SORCS3: variants seen among roughly 807,000 people sequenced by gnomAD.
SORCS3 encodes the protein VPS10 domain-containing receptor SorCS3.
A neutral mutation model predicts 146.3 loss-of-function variants in SORCS3; 57 were observed. The observed-to-expected ratio is 0.39, with a 90% CI of 0.31 to 0.49. The LOEUF is 0.49. Among genes scored for constraint, SORCS3 ranks in the 20% least tolerant of loss-of-function variants. The pLI is 0.92. For missense variants in SORCS3, 1,341 were observed against 1,575.5 expected, an observed-to-expected ratio of 0.85 and a Z score of 2.52; for synonymous variants, 653 against 618.5, an observed-to-expected ratio of 1.06 and a Z score of -0.83.
At chr10:104,697,080 T>A (rs972640798) in intron 1 of SORCS3, among the ~76,000 whole-genome samples, 1 of 152,026 alleles carries the variant, frequency 6.6e-6, no homozygotes, top group Non-Finnish European at 1.5e-5. Flanking sequence ...ATTAATTTGA[T>A]TTTGGTAATC....
At chr10:105,042,894 C>A (rs2055346500) in intron 4 of SORCS3, among the ~76,000 whole-genome samples, 161 bp from the exon 5 acceptor site, 2 of 152,088 alleles carry the variant, frequency 1.3e-5, no homozygotes, top group South Asian at 4.1e-4. Flanking sequence ...CTAGAAGATA[C>A]CATGATAAGC....
chr10:104,943,256 A>G (rs1201819319), intron 3 of SORCS3, among the ~76,000 whole-genome samples: 1 of 152,058 alleles, frequency 6.6e-6, no homozygotes, highest in Non-Finnish European at 1.5e-5. Context: ...CAGCCTCCTG[A>G]GTAGCTGGGA....
chr10:105,058,219 A>T (rs2055459121), intron 5 of SORCS3, among the ~76,000 whole-genome samples: 1 of 152,184 alleles, frequency 6.6e-6, no homozygotes, highest in South Asian at 2.1e-4. Flanking sequence ...AGACCCTGGA[A>T]CCAGTCTGAT....
intron 13 of SORCS3, among the ~76,000 whole-genome samples, chr10:105,172,657 C>T (rs1454450151): frequency 6.6e-6 from 1 of 152,112 alleles, no homozygotes; most frequent in Non-Finnish European, 1.5e-5. Context: ...CCCTAAGCTG[C>T]CTAAAATTCA....
intron 22 of SORCS3, among the ~76,000 whole-genome samples, chr10:105,249,117 C>T (rs1184133890): frequency 2.6e-5 from 4 of 152,084 alleles, no homozygotes; most frequent in Middle Eastern, 6.3e-3. Flanking sequence ...AAGGAAATGT[C>T]GTGTGGGTGA....
At chr10:104,979,879 T>G (rs2054922610) in intron 4 of SORCS3, among the ~76,000 whole-genome samples, 1 of 152,124 alleles carries the variant, frequency 6.6e-6, no homozygotes, top group Admixed American at 6.6e-5. Context: ...CATTAAATGG[T>G]TGGATGGTAA....
intron 25 of SORCS3, among the ~76,000 whole-genome samples, chr10:105,258,912 C>G (rs571727786): frequency 6.6e-6 from 1 of 152,336 alleles, no homozygotes; most frequent in African/African-American, 2.4e-5. Context: ...CTTTACTTTT[C>G]TGGCTCCTTT....
intron 9 of SORCS3, among the ~76,000 whole-genome samples, chr10:105,155,520 G>A (rs1371305270): frequency 6.6e-6 from 1 of 152,194 alleles, no homozygotes; most frequent in South Asian, 2.1e-4. Flanking sequence ...GCCTCCATCA[G>A]GTAGAAGGTT....
At chr10:105,208,956 C>G (rs2056618309) in intron 16 of SORCS3, among the ~76,000 whole-genome samples, 1 of 152,006 alleles carries the variant, frequency 6.6e-6, no homozygotes, top group Admixed American at 6.5e-5. Context: ...TTTAAACATG[C>G]CAATATAAGA....
At chr10:105,064,460 G>T (rs1258607056) in intron 5 of SORCS3, among the ~76,000 whole-genome samples, 3 of 152,196 alleles carry the variant, frequency 2.0e-5, no homozygotes, top group Non-Finnish European at 4.4e-5. Flanking sequence ...AGGTTGAAAG[G>T]TACCCCAATA....
intron 4 of SORCS3, among the ~76,000 whole-genome samples, chr10:105,012,795 T>C (rs2055142982): frequency 6.6e-6 from 1 of 152,144 alleles, no homozygotes; most frequent in Admixed American, 6.6e-5. Context: ...TTCTCGTGAG[T>C]TGTTAACTTC....
At chr10:105,107,653 T>C (rs973510795) in intron 7 of SORCS3, among the ~76,000 whole-genome samples, 17 of 152,172 alleles carry the variant, frequency 1.1e-4, no homozygotes, top group Admixed American at 8.5e-4. Context: ...TTGCCAAGTA[T>C]ATGTGAGGTC....
chr10:105,232,171 G>A (rs1344938974), intron 20 of SORCS3, among the ~76,000 whole-genome samples: 1 of 152,066 alleles, frequency 6.6e-6, no homozygotes, highest in South Asian at 2.1e-4. Context: ...TCTGAGCCTA[G>A]TGTTTTCTCT....
chr10:104,772,355 G>T (rs1412387474), intron 1 of SORCS3, among the ~76,000 whole-genome samples: 1 of 152,150 alleles, frequency 6.6e-6, no homozygotes, highest in Non-Finnish European at 1.5e-5. Context: ...GGGACCCTGT[G>T]TCTCACAGTT....
intron 12 of SORCS3, 117 bp from the exon 13 acceptor site, chr10:105,167,141 G>A: frequency 2.8e-6 from 2 of 722,068 alleles, no homozygotes; most frequent in South Asian, 3.8e-5. Flanking sequence ...ATCTGATAGT[G>A]CTGTTGGAAG....
intron 2 of SORCS3, among the ~76,000 whole-genome samples, chr10:104,895,113 A>G (rs1364089090): frequency 6.6e-6 from 1 of 152,158 alleles, no homozygotes; most frequent in African/African-American, 2.4e-5. Context: ...CCATGACAGG[A>G]GCTGTCAGGG....
intron 5 of SORCS3, among the ~76,000 whole-genome samples, chr10:105,088,064 C>T (rs937872546): frequency 2.0e-5 from 3 of 152,110 alleles, no homozygotes; most frequent in African/African-American, 7.2e-5. Flanking sequence ...GGGCAAGGCC[C>T]AGTGAGCTTG....
At chr10:105,082,439 G>T (rs530645415) in intron 5 of SORCS3, among the ~76,000 whole-genome samples, 31 of 152,316 alleles carry the variant, frequency 2.0e-4, no homozygotes, top group African/African-American at 7.0e-4. Context: ...TAGCTAAAAT[G>T]TAACGACTGC....
At chr10:105,128,898 G>C (rs556927132) in intron 7 of SORCS3, among the ~76,000 whole-genome samples, 5 of 152,268 alleles carry the variant, frequency 3.3e-5, no homozygotes, top group Admixed American at 3.3e-4. Context: ...CAAGAATCTT[G>C]TGAGAGAAAG....
Sources: gnomAD v4.1 joint callset for allele counts (sites outside exome capture counted in the v4.1 genomes callset) on GRCh38, gnomAD v4.1.1 for gene constraint, MANE v1.5 for transcripts, NCBI Gene and HGNC (gene_info 2026-07-23, HGNC 2026-07-21) for gene names.